PKHD1: variants seen among roughly 807,000 people sequenced by gnomAD.
PKHD1 encodes the protein fibrocystin.
Under a neutral mutation model 412.0 loss-of-function variants are expected in PKHD1, and 291 were observed. The observed-to-expected ratio is 0.71, with a 90% confidence interval of 0.64 to 0.78. The LOEUF (loss-of-function observed/expected upper bound fraction) is 0.78, where lower values mean the gene tolerates loss of function less well. PKHD1 is among the 30% of genes least tolerant of loss of function. PKHD1 has a pLI of 0.00. For synonymous variants in PKHD1, 1,777 were observed against 1,821.5 expected (o/e 0.98, Z 0.62); for missense variants, 4,825 against 4,950.7 (o/e 0.97, Z 0.76).
Position 51,619,305 on chromosome 6 carries a change from C to T in PKHD1, c.12001G>A (p.Glu4001Lys), listed in dbSNP as rs1378884656. Reference sequence around the variant, plus strand: ...TATCTGAGCAACTGCTCTTGGCCCTCCTTCCAGTTCCCAGTCTCTTGCAGG... The same window carrying T: ...TATCTGAGCAACTGCTCTTGGCCCTTCTTCCAGTTCCCAGTCTCTTGCAGG... ...VYLQETGNWK[E>K]GQEQLLRYQL... is the part of the protein sequence containing the mutation. The change falls in exon 67 of 67, where the codon GAG (glutamate) becomes AAG (lysine). Residue 4001 changes from glutamate (E) to lysine (K), a missense_variant. Coordinates refer to ENST00000371117, the MANE Select transcript of PKHD1 (RefSeq NM_138694.4). 1 of 1,614,262 alleles carries T rather than the reference C, an allele frequency of 6.2e-7. No homozygotes were observed. Among genetic ancestry groups the T allele is most frequent in the African/African-American group, 1.3e-5 (1 of 75,084 alleles).
At chr6:51,827,965 T>C (rs1002346376) in intron 52 of PKHD1, among the ~76,000 whole-genome samples, 4 of 152,130 alleles carry the variant, frequency 2.6e-5, no homozygotes, top group African/African-American at 9.7e-5. Flanking sequence ...CATACCTCTT[T>C]GGGAAGTATC....
intron 51 of PKHD1, 24 bp downstream of exon 51, chr6:51,836,380 T>G: frequency 3.3e-6 from 5 of 1,514,218 alleles, no homozygotes; most frequent in Non-Finnish European, 4.6e-6. Flanking sequence ...ACTAGACACT[T>G]CTACTTCGTG....
At chr6:51,872,699 G>A (rs935427590) in intron 46 of PKHD1, among the ~76,000 whole-genome samples, 2 of 152,044 alleles carry the variant, frequency 1.3e-5, no homozygotes, top group Admixed American at 6.5e-5. Context: ...GTGAGCCACT[G>A]AATCTGAGTA....
intron 16 of PKHD1, among the ~76,000 whole-genome samples, chr6:52,057,667 G>A (rs548654099): frequency 6.2e-4 from 94 of 152,254 alleles, no homozygotes; most frequent in African/African-American, 2.2e-3. Context: ...AGCCCGCCTT[G>A]GCCTCCCAAA....
At chr6:51,752,398 C>T (rs1786248814) in intron 57 of PKHD1, among the ~76,000 whole-genome samples, 1 of 152,168 alleles carries the variant, frequency 6.6e-6, no homozygotes, top group Non-Finnish European at 1.5e-5. Flanking sequence ...GCAGAAATCA[C>T]CACTGATAAC....
rs1275354858 is a variant in PKHD1 at position 51,632,606 on chromosome 6, C to G, written c.11624G>C (p.Ser3875Thr). The G allele has an allele frequency of 6.2e-7, 1 of 1,613,448 alleles. No individual in the cohort carries two copies. The highest frequency in any genetic ancestry group is 1.7e-5 in the Admixed American group (1 of 59,944). Residue 3875 changes from serine (S) to threonine (T), a missense_variant, in exon 65 of 67, where the codon AGC (serine) becomes ACC (threonine). Coordinates refer to ENST00000371117, the MANE Select transcript of PKHD1 (RefSeq NM_138694.4). ...TTTAAGCCAACAGCACACCAGACAGCTCAGAGCCAGCCATGAGGCCACAGA... is the reference window on the plus strand; with the variant it reads ...TTTAAGCCAACAGCACACCAGACAGGTCAGAGCCAGCCATGAGGCCACAGA... The part of the protein sequence containing the change: ...LSSVASWLAL[S>T]CLVCCWLKRS...
At chr6:51,920,896 C>T (rs747894220) in intron 37 of PKHD1, among the ~76,000 whole-genome samples, 5 of 151,980 alleles carry the variant, frequency 3.3e-5, no homozygotes, top group Non-Finnish European at 5.9e-5. Context: ...CTATATTTTC[C>T]ATTTTATTTG....
At chr6:51,632,979 T>C (rs1286241559) in intron 64 of PKHD1, among the ~76,000 whole-genome samples, 1 of 152,192 alleles carries the variant, frequency 6.6e-6, no homozygotes, top group African/African-American at 2.4e-5. Context: ...TCCAATTCTC[T>C]CTTTTAATTT....
intron 33 of PKHD1, among the ~76,000 whole-genome samples, chr6:52,018,102 TC>T (rs1207762795): frequency 9.8e-5 from 15 of 152,348 alleles, no homozygotes; most frequent in African/African-American, 3.6e-4. Flanking sequence ...TCAAGATTTA[TC>T]CACATTACTA....
At chr6:51,699,151 T>C (rs1445886282) in intron 60 of PKHD1, among the ~76,000 whole-genome samples, 1 of 152,176 alleles carries the variant, frequency 6.6e-6, no homozygotes, top group African/African-American at 2.4e-5. Context: ...TCAACAAATG[T>C]ATACAGATTC....
intron 60 of PKHD1, among the ~76,000 whole-genome samples, chr6:51,661,833 G>C (rs1772916870): frequency 6.6e-6 from 1 of 151,824 alleles, no homozygotes; most frequent in African/African-American, 2.4e-5. Flanking sequence ...CATAAAAGTA[G>C]CTTAAGAAAT....
rs34570175 is a variant in PKHD1, at chr6:52,006,371, G to GTTGTTTGT, written c.5751+3930_5751+3937dup. Among the ~76,000 whole-genome samples, 342 of 148,692 alleles carry GTTGTTTGT rather than the reference G, an allele frequency of 2.3e-3. 1 individual carries two copies. Among genetic ancestry groups the GTTGTTTGT allele is most frequent in the Non-Finnish European group, 3.7e-3 (249 of 67,196 alleles). On this transcript the variant is annotated intron_variant, in intron 35 of 66. Coordinates refer to ENST00000371117, the MANE Select transcript of PKHD1 (RefSeq NM_138694.4). ...TTTGTTTTTTGTTGTTGTTGTTGTT[G>GTTGTTTGT]TTGTTTGTTTGTTTGTTTGTTTTGA...
intron 60 of PKHD1, among the ~76,000 whole-genome samples, chr6:51,739,747 G>A (rs190580943): frequency 6.6e-6 from 1 of 152,232 alleles, no homozygotes; most frequent in African/African-American, 2.4e-5. Flanking sequence ...TAAAAAAGGT[G>A]CTCATGCAAT....
At chr6:52,010,977 T>G (rs1296720608) in intron 34 of PKHD1, among the ~76,000 whole-genome samples, 1 of 152,104 alleles carries the variant, frequency 6.6e-6, no homozygotes, top group Non-Finnish European at 1.5e-5. Context: ...ATGAGCTCAT[T>G]TAGGCTTGCA....
Position 51,748,026 on chromosome 6 carries a change from T to A in PKHD1, c.9590A>T (p.Gln3197Leu), listed in dbSNP as rs769457424. 2.3e-5 allele frequency: 37 copies of A among 1,614,026 alleles called. No homozygotes were observed. Among genetic ancestry groups the A allele is most frequent in the Non-Finnish European group, 2.8e-5 (33 of 1,180,000 alleles). ...AATGACTGAATTCCTAAGCACAATC[T>A]GCACTTTTTTGACGGAATTTTGTGG... ...SAPQNSVKKV[Q>L]IVLRNSVIVA... The change falls in exon 58 of 67, where the codon CAG becomes CTG. Residue 3197 changes from glutamine to leucine, a missense_variant. Coordinates refer to ENST00000371117, the MANE Select transcript of PKHD1 (RefSeq NM_138694.4).
At chr6:51,906,417 T>C in intron 40 of PKHD1, 77 bp from the exon 41 acceptor site, 1 of 1,103,162 alleles carries the variant, frequency 9.1e-7, no homozygotes, top group East Asian at 2.4e-5. Context: ...CAACCTACAC[T>C]GTAGCTAAAG....
intron 10 of PKHD1, among the ~76,000 whole-genome samples, chr6:52,069,988 G>A (rs751752706): frequency 6.6e-6 from 1 of 152,090 alleles, no homozygotes; most frequent in East Asian, 1.9e-4. Context: ...ATAAGGTAAG[G>A]ATTCAGAATT....
intron 37 of PKHD1, among the ~76,000 whole-genome samples, chr6:51,932,825 G>T (rs923002326): frequency 6.6e-6 from 1 of 152,158 alleles, no homozygotes; most frequent in African/African-American, 2.4e-5. Context: ...TTGAGGAAAA[G>T]ATCTTGCTTC....
At chr6:51,649,533 T>G (rs908362677) in intron 61 of PKHD1, among the ~76,000 whole-genome samples, 3 of 152,122 alleles carry the variant, frequency 2.0e-5, no homozygotes, top group Non-Finnish European at 4.4e-5. Context: ...CTCAGACTAA[T>G]ATAGATAATA....
Sources: gnomAD v4.1 joint callset for allele counts (sites outside exome capture counted in the v4.1 genomes callset) on GRCh38, gnomAD v4.1.1 for gene constraint, MANE v1.5 for transcripts, NCBI Gene and HGNC (gene_info 2026-07-23, HGNC 2026-07-21) for gene names.